PRH1: variants seen among roughly 807,000 people sequenced by gnomAD.
PRH1 encodes the protein proline rich protein HaeIII subfamily 1.
PRH1 carries 7 observed loss-of-function variants against 7.9 expected under a neutral mutation model. The ratio of observed to expected loss-of-function variants is 0.89; its 90% CI spans 0.50 to 1.67. The LOEUF is 1.67. Among genes scored for constraint, PRH1 ranks in the 40% most tolerant of loss-of-function variants. The probability of loss-of-function intolerance (pLI) is 0.00; values close to 1 mark genes in which losing one functional copy is unlikely to be tolerated. For synonymous variants in PRH1, 45 were observed against 80.8 expected (o/e 0.56, Z 2.38); for missense variants, 109 against 223.6 (o/e 0.49, Z 3.27).
chr12:11,055,539 T>C (rs1358739037), intron 1 of PRH1, among the ~76,000 whole-genome samples: 1 of 152,278 alleles, frequency 6.6e-6, no homozygotes, highest in African/African-American at 2.4e-5. Context: ...CAAGGCTGTC[T>C]TAATGGAAAA....
chr12:10,893,940 C>T (rs770845416), intron 2 of PRH1, among the ~76,000 whole-genome samples: 4 of 151,982 alleles, frequency 2.6e-5, no homozygotes, highest in Non-Finnish European at 4.4e-5. Context: ...TTTTTACATG[C>T]TTTCTCATTA....
At chr12:10,909,394 T>C (rs530334570) in intron 2 of PRH1, 1 of 811,114 alleles carries the variant, frequency 1.2e-6, no homozygotes, top group South Asian at 1.9e-5. Context: ...GGAGTTCTTC[T>C]TCCTTCTCCT....
intron 1 of PRH1, chr12:11,076,750 A>T (rs1465584446): frequency 8.7e-6 from 1 of 114,974 alleles, no homozygotes; most frequent in Admixed American, 8.8e-5. Context: ...TGGTATATAT[A>T]AATAAAACTT....
intron 1 of PRH1, among the ~76,000 whole-genome samples, chr12:11,001,167 G>T (rs10772411): frequency 0.29 from 43,390 of 151,194 alleles, 7,960 homozygotes; most frequent in East Asian, 0.73. Context: ...TTTTTTTAGG[G>T]GGGGATAGCA....
intron 1 of PRH1, chr12:10,997,394 T>G (rs1383362901): frequency 6.2e-7 from 1 of 1,614,010 alleles, no homozygotes; most frequent in African/African-American, 1.3e-5. Flanking sequence ...CCAAGTTACG[T>G]TTCCTTCACA....
intron 1 of PRH1, among the ~76,000 whole-genome samples, chr12:11,057,759 T>C (rs1943425148): frequency 6.6e-6 from 1 of 152,242 alleles, no homozygotes; most frequent in African/African-American, 2.4e-5. Flanking sequence ...AGAGCATAGC[T>C]TCTGGCACTT....
At chr12:11,008,435 C>A in intron 1 of PRH1, among the ~76,000 whole-genome samples, 1 of 152,058 alleles carries the variant, frequency 6.6e-6, no homozygotes, top group Admixed American at 6.6e-5. Context: ...ACAAGGAACA[C>A]TGCAAACAGC....
intron 1 of PRH1, among the ~76,000 whole-genome samples, chr12:11,100,971 T>C (rs763363552): frequency 5.3e-5 from 8 of 152,320 alleles, no homozygotes; most frequent in Admixed American, 1.3e-4. Context: ...ACATTTTTAA[T>C]ACATTTAATT....
intron 1 of PRH1, among the ~76,000 whole-genome samples, chr12:11,107,473 G>A (rs1352331646): frequency 1.3e-5 from 2 of 152,198 alleles, no homozygotes; most frequent in Non-Finnish European, 2.9e-5. Context: ...AGTCTTTATA[G>A]ATTGCAGTTA....
intron 2 of PRH1, chr12:10,908,542 T>G: frequency 6.2e-7 from 1 of 1,613,876 alleles, no homozygotes; most frequent in Non-Finnish European, 8.5e-7. Flanking sequence ...AGCTCAGAAA[T>G]CCATGATATG....
At chr12:11,064,060 A>G (rs1479875289) in intron 1 of PRH1, among the ~76,000 whole-genome samples, 3 of 152,108 alleles carry the variant, frequency 2.0e-5, no homozygotes, top group African/African-American at 4.8e-5. Context: ...ACCATGATGC[A>G]GGCAAGACAA....
chr12:10,962,819 G>A (rs1297906632), intron 2 of PRH1, among the ~76,000 whole-genome samples: 6 of 152,230 alleles, frequency 3.9e-5, no homozygotes, highest in Non-Finnish European at 8.8e-5. Context: ...GCCCAGGCTG[G>A]AGTGCAGTGG....
chr12:11,064,502 C>T (rs117260513), intron 1 of PRH1, among the ~76,000 whole-genome samples: 2,330 of 152,142 alleles, frequency 0.015, 20 homozygotes, highest in South Asian at 0.031. Context: ...TGCAATTCCT[C>T]TGTATATATA....
intron 2 of PRH1, among the ~76,000 whole-genome samples, chr12:10,897,250 A>T (rs1949660763): frequency 6.6e-6 from 1 of 152,238 alleles, no homozygotes; most frequent in African/African-American, 2.4e-5. Flanking sequence ...CAGTATTACT[A>T]ACCATATTTC....
intron 1 of PRH1, among the ~76,000 whole-genome samples, chr12:11,125,991 T>TAC (rs1946112531): frequency 6.6e-6 from 1 of 152,172 alleles, no homozygotes; most frequent in South Asian, 2.1e-4. Flanking sequence ...TCTACAAGAA[T>TAC]GTTTTTTCAG....
At chr12:10,990,699 A>C (rs928293065) in intron 1 of PRH1, among the ~76,000 whole-genome samples, 1 of 152,198 alleles carries the variant, frequency 6.6e-6, no homozygotes, top group Non-Finnish European at 1.5e-5. Flanking sequence ...TAGAAAGAAT[A>C]ATTAGGAGTT....
At chr12:10,885,519 A>G (rs1362000490), upstream of PRH1, among the ~76,000 whole-genome samples, 3 of 152,108 alleles carry the variant, frequency 2.0e-5, no homozygotes, top group Admixed American at 2.0e-4. Context: ...TAAGTTTCCA[A>G]AAAGCCCTGT....
intron 2 of PRH1, among the ~76,000 whole-genome samples, chr12:10,966,533 CCTA>C: frequency 6.6e-6 from 1 of 152,302 alleles, no homozygotes; most frequent in Non-Finnish European, 1.5e-5. Context: ...CCTGATCCAG[CCTA>C]CTTTGTCCAA....
intron 2 of PRH1, among the ~76,000 whole-genome samples, chr12:10,906,248 C>T (rs1244895319): frequency 6.6e-6 from 1 of 152,202 alleles, no homozygotes; most frequent in African/African-American, 2.4e-5. Context: ...TGTCCTTATA[C>T]TCAAGGATAA....
Sources: allele counts gnomAD v4.1 joint callset (sites outside exome capture counted in the v4.1 genomes callset), GRCh38; gene constraint gnomAD v4.1.1; transcripts MANE v1.5; gene names NCBI Gene and HGNC (gene_info 2026-07-23, HGNC 2026-07-21).